Variants in AIF1L observed in about 807,000 individuals in gnomAD.
AIF1L encodes allograft inflammatory factor 1-like.
Under a neutral mutation model 20.7 loss-of-function variants are expected in AIF1L, and 12 were observed. That is an observed-to-expected ratio of 0.58 (90% CI 0.37 to 0.94). The LOEUF (loss-of-function observed/expected upper bound fraction) is 0.94, where lower values mean the gene tolerates loss of function less well. Among genes scored for constraint, AIF1L ranks in the 40% least tolerant of loss-of-function variants. AIF1L has a pLI of 0.01. For synonymous variants in AIF1L, 76 were observed against 65.1 expected (o/e 1.17, Z -0.81); for missense variants, 173 against 185.3 (o/e 0.93, Z 0.39).
chr9:131,098,504 T>C (rs1830571945), intron 2 of AIF1L, among the ~76,000 whole-genome samples: 1 of 152,022 alleles, frequency 6.6e-6, no homozygotes, highest in Admixed American at 6.6e-5. Context: ...CTGAGCTGGC[T>C]GGAGCCACCC....
At position 131,096,595 on chromosome 9, in the gene AIF1L, C is replaced by T. The variant is rs1439310636; in HGVS notation, c.-35C>T. On this transcript the variant is annotated 5_prime_UTR_variant, in exon 1 of 6. Coordinates refer to ENST00000247291, the MANE Select transcript of AIF1L (RefSeq NM_031426.4). ...TCCTCCTCGTCCCTCGCCGCGTCCGCGAAGCCTGGAGCCGGCGGGAGCCCC... is the reference window on the plus strand; with the variant it reads ...TCCTCCTCGTCCCTCGCCGCGTCCGTGAAGCCTGGAGCCGGCGGGAGCCCC... 4 of 1,484,572 alleles carry T rather than the reference C, an allele frequency of 2.7e-6. No individual in the cohort carries two copies. The highest frequency in any genetic ancestry group is 1.3e-5 in the South Asian group (1 of 78,786). 92.0% of individuals were successfully genotyped at this position (1,484,572 alleles called of 1,614,324 possible). A position where few individuals can be genotyped will look rare whatever the true frequency, so the allele number is the denominator to read the frequency against.
chr9:131,120,274 C>A lies in AIF1L; in HGVS notation c.405C>A (p.Pro135=). The part of the protein sequence containing the change: ...MFEGKANESS[P]KPVGPPPERD... ...AAGGAAAAGCCAACGAGAGCAGCCCCAAGCCAGTTGGCCCCCCTCCAGAGA... is the reference window on the plus strand; with the variant it reads ...AAGGAAAAGCCAACGAGAGCAGCCCAAAGCCAGTTGGCCCCCCTCCAGAGA... Residue 135 remains proline, a synonymous_variant, in exon 6 of 6, where the codon CCC becomes CCA. Transcript: ENST00000247291. The A allele has an allele frequency of 6.2e-7, 1 of 1,613,964 alleles. No individual in the cohort carries two copies. Among genetic ancestry groups the A allele is most frequent in the Non-Finnish European group, 8.5e-7 (1 of 1,179,994 alleles).
At position 131,121,022 on chromosome 9, in the gene AIF1L, C is replaced by T. The variant is rs1315902752; in HGVS notation, c.*700C>T. On this transcript the variant is annotated 3_prime_UTR_variant, in exon 6 of 6. Transcript: ENST00000247291. Reference sequence around the variant, plus strand: ...AGAGGCAGCGTGCAGCCCTACTGTCCCTTACTGGGGCAGCAGAGGGCTTCG... The same window carrying T: ...AGAGGCAGCGTGCAGCCCTACTGTCTCTTACTGGGGCAGCAGAGGGCTTCG... 4 of 683,822 alleles carry T rather than the reference C, an allele frequency of 5.8e-6. No individual in the cohort carries two copies. The highest frequency in any genetic ancestry group is 5.3e-5 in the African/African-American group (3 of 56,826). 42.4% of individuals were successfully genotyped at this position (683,822 alleles called of 1,614,324 possible).
intron 2 of AIF1L, among the ~76,000 whole-genome samples, chr9:131,104,495 A>T (rs1830702397): frequency 6.6e-6 from 1 of 152,182 alleles, no homozygotes; most frequent in African/African-American, 2.4e-5. Context: ...TGGGGCAGGC[A>T]TAGACCTTGA....
chr9:131,120,979 C>T lies in AIF1L; in HGVS notation c.*657C>T, dbSNP rs1831124379. ...ACCCTCCAGTCCTGCTCTCTGGCCACACCTGTGCAGGCAGCTGAGAGGCAG... is the reference window on the plus strand; with the variant it reads ...ACCCTCCAGTCCTGCTCTCTGGCCATACCTGTGCAGGCAGCTGAGAGGCAG... On this transcript the variant is annotated 3_prime_UTR_variant, in exon 6 of 6. Transcript: ENST00000247291. 1 of 594,822 alleles carries T rather than the reference C, an allele frequency of 1.7e-6. No individual in the cohort carries two copies. Among genetic ancestry groups the T allele is most frequent in the Admixed American group, 2.8e-5 (1 of 35,974 alleles). The allele number at this position is 594,822 out of a possible 1,614,324, so 36.8% of individuals were successfully genotyped here.
intron 2 of AIF1L, among the ~76,000 whole-genome samples, chr9:131,103,332 G>T (rs762281949): frequency 2.0e-5 from 3 of 152,248 alleles, no homozygotes; most frequent in Non-Finnish European, 2.9e-5. Context: ...GACTTGCCAG[G>T]AGGACTTCAG....
chr9:131,120,227 C>T lies in AIF1L; in HGVS notation c.366-8C>T. On this transcript the variant is annotated splice_polypyrimidine_tract_variant and splice_region_variant and intron_variant, in intron 5 of 5. Coordinates refer to ENST00000247291, the MANE Select transcript of AIF1L (RefSeq NM_031426.4). Reference sequence around the variant, plus strand: ...TTTCTTTTTTTCTTTTCTCCATCTCCAAACCAGAGTCATGATGTTTGAAGG... The same window carrying T: ...TTTCTTTTTTTCTTTTCTCCATCTCTAAACCAGAGTCATGATGTTTGAAGG... 1 of 1,611,812 alleles carries T rather than the reference C, an allele frequency of 6.2e-7. No individual in the cohort carries two copies. The highest frequency in any genetic ancestry group is 8.5e-7 in the Non-Finnish European group (1 of 1,179,310).
intron 3 of AIF1L, 182 bp from the exon 4 acceptor site, chr9:131,114,395 G>T: frequency 1.6e-6 from 1 of 641,260 alleles, no homozygotes; most frequent in Non-Finnish European, 2.8e-6. Flanking sequence ...CAGGCAGGAT[G>T]AGCTCTTTCC....
intron 4 of AIF1L, among the ~76,000 whole-genome samples, chr9:131,115,663 ATT>A (rs141954335): frequency 3.5e-5 from 5 of 141,140 alleles, no homozygotes; most frequent in African/African-American, 1.3e-4. Flanking sequence ...TATTTTGATC[ATT>A]TTTTTTTTTC....
intron 2 of AIF1L, among the ~76,000 whole-genome samples, chr9:131,097,853 A>C (rs1310206191): frequency 1.3e-5 from 2 of 152,264 alleles, no homozygotes; most frequent in African/African-American, 4.8e-5. Context: ...CCCAGCACCC[A>C]GCATTCAGGA....
chr9:131,096,542 G>C lies in AIF1L; in HGVS notation c.-88G>C. 6.9e-7 allele frequency: 1 copy of C among 1,442,920 alleles called. No individual in the cohort carries two copies. Among genetic ancestry groups the C allele is most frequent in the Non-Finnish European group, 9.1e-7 (1 of 1,098,712 alleles). 89.4% of individuals were successfully genotyped at this position (1,442,920 alleles called of 1,614,324 possible). On this transcript the variant is annotated 5_prime_UTR_variant, in exon 1 of 6. Transcript: ENST00000247291. ...TCGGTCCCGCGGCCACACGCAGCTA[G>C]CCGGAGCCCGGACCAGGCGCCTGTG... is the stretch of plus-strand genomic sequence containing the variant.
intron 2 of AIF1L, among the ~76,000 whole-genome samples, chr9:131,099,884 G>C (rs1373814593): frequency 6.6e-6 from 1 of 151,694 alleles, no homozygotes; most frequent in Non-Finnish European, 1.5e-5. Context: ...TTGCCACCAC[G>C]CCCAGCTAAT....
At position 131,117,985 on chromosome 9, in the gene AIF1L, C is replaced by G. The variant is rs1831052229; in HGVS notation, c.365+67C>G. On this transcript the variant is annotated intron_variant, in intron 5 of 5. Coordinates refer to ENST00000247291, the MANE Select transcript of AIF1L (RefSeq NM_031426.4). ...TCATTCTGTGCAGAGAGGCCCCTGG[C>G]TCTGGGCACCCCAGCCATTCCCCAC... 8 of 1,491,280 alleles carry G rather than the reference C, an allele frequency of 5.4e-6. No homozygotes were observed. The South Asian group carries it at 9.8e-5, about 18-fold the overall frequency. The allele number at this position is 1,491,280 out of a possible 1,614,324, so 92.4% of individuals were successfully genotyped here.
At chr9:131,103,337 C>T (rs744304) in intron 2 of AIF1L, among the ~76,000 whole-genome samples, 2,502 of 152,316 alleles carry the variant, frequency 0.016, 78 homozygotes, top group African/African-American at 0.058. Flanking sequence ...GCCAGGAGGA[C>T]TTCAGGGCAT....
At chr9:131,106,154 CCGAGCTGCCTCCT>C in intron 2 of AIF1L, 2 of 1,527,250 alleles carry the variant, frequency 1.3e-6, no homozygotes, top group Non-Finnish European at 1.8e-6. Context: ...CCTGCCTCCT[CCGAGCTGCCTCCT>C]GATACCCACT....
chr9:131,119,014 A>G (rs1374845583), intron 5 of AIF1L, among the ~76,000 whole-genome samples: 2 of 152,218 alleles, frequency 1.3e-5, no homozygotes, highest in African/African-American at 4.8e-5. Flanking sequence ...CAGTTTCTTC[A>G]TCTATAAAAT....
chr9:131,100,385 G>A lies in AIF1L; in HGVS notation c.93+3522G>A, dbSNP rs185147518. Among the ~76,000 whole-genome samples the A allele has an allele frequency of 3.0e-3, 456 of 152,330 alleles. 5 individuals are homozygous for A. Among genetic ancestry groups the A allele is most frequent in the African/African-American group, 0.011 (438 of 41,572 alleles). On this transcript the variant is annotated intron_variant, in intron 2 of 5. Coordinates refer to ENST00000247291, the MANE Select transcript of AIF1L (RefSeq NM_031426.4). The stretch of plus-strand genomic sequence containing the variant: ...GGTATGTGCCCGTCCTGTGCCAGGT[G>A]CACTGTGGGCATTATCTTGCGAATG...
At chr9:131,109,129 C>T (rs1830817581) in intron 2 of AIF1L, among the ~76,000 whole-genome samples, 1 of 132,620 alleles carries the variant, frequency 7.5e-6, no homozygotes, top group South Asian at 2.9e-4. Flanking sequence ...ACCATGGTCT[C>T]CTCTGCTCCC....
chr9:131,103,011 A>C (rs1340077867), intron 2 of AIF1L: 5 of 456,186 alleles, frequency 1.1e-5, no homozygotes, highest in African/African-American at 8.0e-5. Context: ...AAAGAGAGTT[A>C]AGTCAGCGAG....
Sources: allele counts gnomAD v4.1 joint callset (sites outside exome capture counted in the v4.1 genomes callset), GRCh38; gene constraint gnomAD v4.1.1; transcripts MANE v1.5; gene names NCBI Gene and HGNC (gene_info 2026-07-23, HGNC 2026-07-21).